TNR: variants seen among roughly 807,000 people sequenced by gnomAD.
TNR encodes tenascin R, also known as tenascin-R.
In TNR, 45 loss-of-function variants were observed where a neutral mutation model predicts 150.4. The ratio of observed to expected loss-of-function variants is 0.30; its 90% CI spans 0.24 to 0.38. The LOEUF is 0.38. Ranked by LOEUF, TNR falls within the 10% of genes least tolerant of loss-of-function variation. The pLI, the probability that TNR is intolerant of heterozygous loss-of-function variation, is 1.00. For missense variants in TNR, 1,544 were observed against 1,759.1 expected, an observed-to-expected ratio of 0.88 and a Z score of 2.19; for synonymous variants, 687 against 678.4, an observed-to-expected ratio of 1.01 and a Z score of -0.20.
intron 1 of TNR, among the ~76,000 whole-genome samples, chr1:175,630,424 T>G (rs902859386): frequency 6.6e-6 from 1 of 152,214 alleles, no homozygotes; most frequent in South Asian, 2.1e-4. Context: ...TATTTGATAA[T>G]GATAACAGCA....
chr1:175,419,987 G>A (rs1285290567), intron 2 of TNR, among the ~76,000 whole-genome samples: 1 of 152,214 alleles, frequency 6.6e-6, no homozygotes, highest in East Asian at 1.9e-4. Flanking sequence ...GCTCCACCCA[G>A]AGAGGCGTGG....
chr1:175,488,052 A>G (rs535812091), intron 2 of TNR, among the ~76,000 whole-genome samples: 144 of 152,184 alleles, frequency 9.5e-4, no homozygotes, highest in Admixed American at 3.8e-3. Context: ...AGCTAGTAAT[A>G]TCTTCAGGAG....
intron 1 of TNR, among the ~76,000 whole-genome samples, chr1:175,717,075 C>T (rs1667176184): frequency 6.6e-6 from 1 of 152,182 alleles, no homozygotes; most frequent in Admixed American, 6.5e-5. Flanking sequence ...GTGGTCTTGC[C>T]ATATCCTCTT....
intron 1 of TNR, among the ~76,000 whole-genome samples, chr1:175,584,850 T>C (rs180911632): frequency 6.6e-6 from 1 of 152,242 alleles, no homozygotes; most frequent in Non-Finnish European, 1.5e-5. Flanking sequence ...CTAATTAGTA[T>C]AGCTGTATAT....
At chr1:175,447,691 A>G (rs6662001) in intron 2 of TNR, among the ~76,000 whole-genome samples, 38,883 of 151,998 alleles carry the variant, frequency 0.26, 5,266 homozygotes, top group East Asian at 0.5. Flanking sequence ...TGTTGTTGTT[A>G]GTTGCTTTCT....
chr1:175,647,061 G>A (rs1323961253), intron 1 of TNR, among the ~76,000 whole-genome samples: 4 of 152,208 alleles, frequency 2.6e-5, no homozygotes, highest in Admixed American at 6.5e-5. Context: ...AGAGGAGTTC[G>A]GAGAGCACCA....
chr1:175,384,359 T>A (rs1450040205), intron 8 of TNR, among the ~76,000 whole-genome samples: 1 of 152,188 alleles, frequency 6.6e-6, no homozygotes, highest in Non-Finnish European at 1.5e-5. Flanking sequence ...CAGAATTTAG[T>A]TCATTGTTTC....
chr1:175,546,026 G>A (rs915906305), intron 1 of TNR, among the ~76,000 whole-genome samples: 1 of 152,196 alleles, frequency 6.6e-6, no homozygotes, highest in African/African-American at 2.4e-5. Context: ...GCTTCCATTT[G>A]GGGTACCAAG....
intron 2 of TNR, among the ~76,000 whole-genome samples, chr1:175,525,966 T>C (rs1324416016): frequency 1.3e-5 from 2 of 152,118 alleles, no homozygotes; most frequent in African/African-American, 4.8e-5. Flanking sequence ...TGTAAGAATA[T>C]ATTTACCTAA....
At chr1:175,622,536 T>C (rs1324713759) in intron 1 of TNR, among the ~76,000 whole-genome samples, 2 of 152,196 alleles carry the variant, frequency 1.3e-5, no homozygotes, top group African/African-American at 2.4e-5. Flanking sequence ...TAGCCCGATA[T>C]CCACGTGCCA....
At chr1:175,734,827 G>T (rs1197360055) in intron 1 of TNR, among the ~76,000 whole-genome samples, 1 of 152,162 alleles carries the variant, frequency 6.6e-6, no homozygotes, top group African/African-American at 2.4e-5. Context: ...CCCATGGCTG[G>T]CTCCAGAGCA....
chr1:175,631,634 T>C (rs1423465031), intron 1 of TNR, among the ~76,000 whole-genome samples: 1 of 152,158 alleles, frequency 6.6e-6, no homozygotes, highest in Non-Finnish European at 1.5e-5. Flanking sequence ...CAGGGTAATG[T>C]GTAGTGAATG....
In TNR at chr1:175,363,855, AAGAC is replaced by A. The variant is rs762305874; in HGVS notation, c.2588-32_2588-29del. On this transcript the variant is annotated intron_variant, in intron 12 of 22. Transcript: ENST00000367674. ...ACAAGGACCCAGTGATTGTGGGAAA[AAGAC>A]AGAAAGCACAGTGTGAAAAAGAAAT... 8 of 1,594,656 alleles carry A rather than the reference AAGAC, an allele frequency of 5.0e-6. No homozygotes were observed. The East Asian group carries it at 6.8e-5, about 14-fold the overall frequency.
intron 14 of TNR, 81 bp from the exon 15 acceptor site, chr1:175,359,812 C>A (rs929626688): frequency 6.6e-7 from 1 of 1,517,390 alleles, no homozygotes; most frequent in Non-Finnish European, 8.8e-7. Context: ...AAGTTCCACT[C>A]ATGGTGCAAG....
intron 2 of TNR, among the ~76,000 whole-genome samples, chr1:175,410,799 C>G (rs1340584296): frequency 2.0e-5 from 3 of 152,154 alleles, no homozygotes; most frequent in African/African-American, 7.2e-5. Flanking sequence ...CTCTGAGTGA[C>G]CACAGAGTTT....
At chr1:175,540,026 G>A (rs1172616864) in intron 1 of TNR, among the ~76,000 whole-genome samples, 3 of 152,074 alleles carry the variant, frequency 2.0e-5, no homozygotes, top group African/African-American at 7.2e-5. Flanking sequence ...CACTTTCTGT[G>A]CTTTTCCAGA....
intron 9 of TNR, among the ~76,000 whole-genome samples, chr1:175,375,800 T>C (rs1482456873): frequency 2.0e-5 from 3 of 152,206 alleles, no homozygotes; most frequent in Admixed American, 6.5e-5. Context: ...TTGTGAGGAT[T>C]AATACCAATA....
intron 1 of TNR, among the ~76,000 whole-genome samples, chr1:175,678,219 A>C (rs4652103): frequency 0.54 from 81,803 of 151,428 alleles, 22,798 homozygotes; most frequent in East Asian, 0.67. Flanking sequence ...GGCGTTGAGT[A>C]CCCCATGGAA....
At chr1:175,478,142 T>C (rs909723665) in intron 2 of TNR, among the ~76,000 whole-genome samples, 6 of 152,234 alleles carry the variant, frequency 3.9e-5, no homozygotes, top group African/African-American at 1.4e-4. Context: ...AATTGCTCTC[T>C]TGGATTTTTC....
Sources: allele counts gnomAD v4.1 joint callset (sites outside exome capture counted in the v4.1 genomes callset), GRCh38; gene constraint gnomAD v4.1.1; transcripts MANE v1.5; gene names NCBI Gene and HGNC (gene_info 2026-07-23, HGNC 2026-07-21).